CIROZ: variants seen among roughly 807,000 people sequenced by gnomAD.
CIROZ encodes the protein ciliated left-right organizer ZP-N domains-containing protein.
At chr1:10,958,762 C>G in the CIROZ span, 3 of 1,613,828 alleles carry the variant, frequency 1.9e-6, no homozygotes, top group Non-Finnish European at 2.5e-6. Flanking sequence ...CCTGCAGAGA[C>G]AAAGAGGAAG....
chr1:10,951,730 T>TAAAAAAAAAAA, the CIROZ span, among the ~76,000 whole-genome samples: 3 of 125,378 alleles, frequency 2.4e-5, no homozygotes, highest in African/African-American at 9.9e-5. Context: ...GTCTCTTATT[T>TAAAAAAAAAAA]AAAAAAAAAA....
chr1:10,954,079 C>T, the CIROZ span: 1 of 1,613,824 alleles, frequency 6.2e-7, no homozygotes, highest in Non-Finnish European at 8.5e-7. Context: ...TCGGCAAATT[C>T]CAGGCTCAGG....
the CIROZ span, chr1:10,948,938 C>T: frequency 1.2e-5 from 15 of 1,258,026 alleles, no homozygotes; most frequent in South Asian, 1.6e-4. Context: ...AAGATGGGTT[C>T]GAGGGACCGG....
the CIROZ span, chr1:10,958,695 T>C: frequency 1.9e-6 from 3 of 1,614,030 alleles, no homozygotes; most frequent in Non-Finnish European, 2.5e-6. Context: ...CTCCTGCTAC[T>C]TCAATGGGGC....
At chr1:10,948,748 G>A in the CIROZ span, 6 of 1,543,562 alleles carry the variant, frequency 3.9e-6, no homozygotes, top group Non-Finnish European at 5.2e-6. Context: ...GGAGGCTGGG[G>A]ACCTCGCTGA....
the CIROZ span, among the ~76,000 whole-genome samples, chr1:10,974,881 T>C: frequency 6.6e-6 from 1 of 152,148 alleles, no homozygotes; most frequent in Non-Finnish European, 1.5e-5. The surrounding 1 kb of genome is among the most constrained non-coding windows in gnomAD (Gnocchi z 4.4). Context: ...GGTATTGGGC[T>C]CCCTTGAACT....
chr1:10,975,418 A>C, the CIROZ span, among the ~76,000 whole-genome samples: 9,221 of 149,590 alleles, frequency 0.062, 1,159 homozygotes, highest in African/African-American at 0.22. Flanking sequence ...AAAAAAAAAA[A>C]AAAAAAAAAA....
the CIROZ span, among the ~76,000 whole-genome samples, chr1:10,971,252 C>T: frequency 2.7e-5 from 4 of 150,586 alleles, no homozygotes; most frequent in Non-Finnish European, 5.9e-5. Context: ...GTGCCCAGAC[C>T]AGAGGGGAGA....
chr1:10,977,839 C>G, the CIROZ span, among the ~76,000 whole-genome samples: 1 of 152,280 alleles, frequency 6.6e-6, no homozygotes, highest in African/African-American at 2.4e-5. Context: ...ATTGAAGACA[C>G]CAGTAACCTT....
the CIROZ span, among the ~76,000 whole-genome samples, chr1:10,950,839 AT>A: frequency 0.077 from 11,749 of 152,214 alleles, 786 homozygotes; most frequent in African/African-American, 0.18. Context: ...AACCAACAAC[AT>A]TTTAAAAGCA....
chr1:10,962,170 G>C, the CIROZ span, among the ~76,000 whole-genome samples: 1 of 152,010 alleles, frequency 6.6e-6, no homozygotes, highest in African/African-American at 2.4e-5. Context: ...ACTTGACCGG[G>C]CGTGGTGGCT....
At chr1:10,957,012 C>T in the CIROZ span, 3 of 1,549,394 alleles carry the variant, frequency 1.9e-6, no homozygotes, top group Non-Finnish European at 2.6e-6. Context: ...AGGGGCACTC[C>T]TGGGTCTTAC....
At chr1:10,957,777 A>G in the CIROZ span, 1 of 1,605,508 alleles carries the variant, frequency 6.2e-7, no homozygotes, top group Non-Finnish European at 8.5e-7. Flanking sequence ...ACACGATCAC[A>G]AACCATGTGG....
chr1:10,981,296 A>G, the CIROZ span, among the ~76,000 whole-genome samples: 2 of 152,186 alleles, frequency 1.3e-5, no homozygotes, highest in African/African-American at 4.8e-5. Context: ...AAAAAAATTA[A>G]AAAATTACCA....
the CIROZ span, chr1:10,949,604 G>A: frequency 2.8e-5 from 44 of 1,589,758 alleles, 1 homozygote; most frequent in Middle Eastern, 4.2e-4. Context: ...CATGGGCAGA[G>A]GATGCAGCCA....
At chr1:10,955,364 T>C in the CIROZ span, among the ~76,000 whole-genome samples, 1 of 152,048 alleles carries the variant, frequency 6.6e-6, no homozygotes, top group Admixed American at 6.5e-5. Flanking sequence ...GAAACTTAGC[T>C]GCATGGATGA....
At chr1:10,979,323 G>A in the CIROZ span, among the ~76,000 whole-genome samples, 6 of 151,938 alleles carry the variant, frequency 3.9e-5, no homozygotes, top group East Asian at 1.9e-4. Flanking sequence ...AAGACTCTTC[G>A]GGCAGCTGAG....
chr1:10,959,424 A>T, the CIROZ span, among the ~76,000 whole-genome samples: 1 of 152,170 alleles, frequency 6.6e-6, no homozygotes, highest in African/African-American at 2.4e-5. The surrounding 1 kb of genome is among the most constrained non-coding windows in gnomAD (Gnocchi z 4.3). Context: ...GGCGTGGGCA[A>T]GGCACCTTCC....
chr1:10,954,066 ATC>A, the CIROZ span: 3 of 1,613,738 alleles, frequency 1.9e-6, no homozygotes, highest in Non-Finnish European at 2.5e-6. Context: ...CGGGGCAGCC[ATC>A]TCGGCAAATT....
Sources: allele counts gnomAD v4.1 joint callset (sites outside exome capture counted in the v4.1 genomes callset), GRCh38; gene constraint gnomAD v4.1.1; non-coding constraint Gnocchi (gnomAD v3.1); transcripts MANE v1.5; gene names NCBI Gene and HGNC (gene_info 2026-07-23, HGNC 2026-07-21).